Variants in VPS8 observed in about 807,000 individuals in gnomAD.
VPS8 encodes vacuolar protein sorting-associated protein 8 homolog.
VPS8 carries 129 observed loss-of-function variants against 216.4 expected under a neutral mutation model. The observed-to-expected ratio is 0.60, with a 90% CI of 0.52 to 0.69. The LOEUF (loss-of-function observed/expected upper bound fraction) is 0.69. VPS8 is among the 30% of genes least tolerant of loss of function. The probability of loss-of-function intolerance (pLI) is 0.00; values close to 1 mark genes in which losing one functional copy is unlikely to be tolerated. For missense variants in VPS8, 1,531 were observed against 1,683.5 expected (o/e 0.91, Z 1.59); for synonymous variants, 571 against 565.4 (o/e 1.01, Z -0.14).
At chr3:185,014,041 G>A (rs189578337) in intron 45 of VPS8, among the ~76,000 whole-genome samples, 2 of 152,282 alleles carry the variant, frequency 1.3e-5, no homozygotes, top group East Asian at 3.9e-4. Context: ...TAAATCCTGA[G>A]ATCAGAAAGC....
Position 184,928,547 on chromosome 3 carries a change from A to G in VPS8, c.2714+14A>G. On this transcript the variant is annotated intron_variant, in intron 32 of 47. Coordinates refer to ENST00000625842, the MANE Select transcript of VPS8 (RefSeq NM_001009921.3). ...AAAAGCTGAGTTGTAAGTTGTTTTG[A>G]GGCTGTATATTAGTTTGCCATAGAA... 1 of 1,488,840 alleles carries G rather than the reference A, an allele frequency of 6.7e-7. No individual in the cohort carries two copies. Among genetic ancestry groups the G allele is most frequent in the Non-Finnish European group, 8.9e-7 (1 of 1,128,390 alleles). 92.2% of individuals were successfully genotyped at this position (1,488,840 alleles called of 1,614,324 possible).
Position 185,041,416 on chromosome 3 carries a change from T to C in VPS8, c.4057-7063T>C, listed in dbSNP as rs186474745. Among the ~76,000 whole-genome samples, 11 of 152,240 alleles carry C rather than the reference T, an allele frequency of 7.2e-5. No homozygotes were observed. The East Asian group carries it at 2.1e-3, about 29-fold the overall frequency. ...TATTATGGGGCTGTGTGTGAGACCATCTCGGTGCCAGTAGTTCTCTATACT... is the reference window on the plus strand; with the variant it reads ...TATTATGGGGCTGTGTGTGAGACCACCTCGGTGCCAGTAGTTCTCTATACT... On this transcript the variant is annotated intron_variant, in intron 46 of 47. Transcript: ENST00000625842.
chr3:184,885,932 T>C, intron 21 of VPS8, 178 bp from the exon 22 acceptor site: 1 of 552,874 alleles, frequency 1.8e-6, no homozygotes, highest in Non-Finnish European at 3.2e-6. Context: ...ATAGAATTAC[T>C]AGGTCAAAAT....
intron 25 of VPS8, among the ~76,000 whole-genome samples, chr3:184,913,204 A>G (rs1736879327): frequency 6.6e-6 from 1 of 152,200 alleles, no homozygotes. Context: ...GTTCTGATGT[A>G]CAGTTCATCA....
chr3:184,901,327 T>C (rs1314425927), intron 25 of VPS8: 4 of 201,878 alleles, frequency 2.0e-5, no homozygotes, highest in Admixed American at 1.8e-4. Flanking sequence ...CCATGTTGTT[T>C]TATGTATATT....
chr3:185,038,199 C>T lies in VPS8; in HGVS notation c.4057-10280C>T, dbSNP rs1290199009. ...CTTCTGATATTGTTTCTCAAGTAGG[C>T]GTAGCCTTGGGTATGTCTGCAGTCA... On this transcript the variant is annotated intron_variant, in intron 46 of 47. Coordinates refer to ENST00000625842, the MANE Select transcript of VPS8 (RefSeq NM_001009921.3). Among the ~76,000 whole-genome samples the T allele has an allele frequency of 4.6e-5, 7 of 152,328 alleles. No individual in the cohort carries two copies. In the East Asian group the frequency reaches 1.2e-3, roughly 25 times the overall value.
intron 21 of VPS8, among the ~76,000 whole-genome samples, chr3:184,883,366 A>G (rs1305965147): frequency 6.6e-6 from 1 of 152,232 alleles, no homozygotes; most frequent in African/African-American, 2.4e-5. Context: ...TTGTTATTCA[A>G]CATCAAAGTG....
intron 34 of VPS8, among the ~76,000 whole-genome samples, chr3:184,932,171 A>G (rs76524383): frequency 0.037 from 5,651 of 152,198 alleles, 351 homozygotes; most frequent in African/African-American, 0.12. Flanking sequence ...ATCAACATTA[A>G]ATACATAGGA....
intron 40 of VPS8, among the ~76,000 whole-genome samples, chr3:184,976,472 T>A (rs1749291649): frequency 6.6e-6 from 1 of 152,130 alleles, no homozygotes. Context: ...TTGTTGTGTC[T>A]CTGCCAGGTT....
chr3:184,871,648 G>A (rs1263930555), intron 21 of VPS8, among the ~76,000 whole-genome samples: 3 of 152,102 alleles, frequency 2.0e-5, no homozygotes, highest in Admixed American at 6.6e-5. Flanking sequence ...TGTGCGTCCC[G>A]TGGTCTGATA....
At chr3:184,978,054 A>T (rs1463837780) in intron 40 of VPS8, among the ~76,000 whole-genome samples, 6 of 151,502 alleles carry the variant, frequency 4.0e-5, no homozygotes, top group Admixed American at 2.6e-4. Context: ...CTGTGAATCC[A>T]TCTGGTCCTG....
intron 32 of VPS8, 36 bp downstream of exon 32, chr3:184,928,569 A>G: frequency 7.3e-7 from 1 of 1,366,348 alleles, no homozygotes; most frequent in African/African-American, 1.5e-5. Flanking sequence ...AGTTTGCCAT[A>G]GAAATATTAA....
At chr3:184,852,431 A>G (rs896173873) in intron 10 of VPS8, 69 bp from the exon 11 acceptor site, 4 of 1,423,908 alleles carry the variant, frequency 2.8e-6, no homozygotes, top group African/African-American at 1.4e-5. Flanking sequence ...TCAAAATTGT[A>G]TAATTTTTTC....
chr3:184,827,759 T>C (rs140207658), intron 3 of VPS8, among the ~76,000 whole-genome samples: 6 of 152,332 alleles, frequency 3.9e-5, no homozygotes, highest in East Asian at 3.9e-4. Flanking sequence ...AACACTGTTA[T>C]CATCCTCAAT....
chr3:184,973,449 C>A (rs911780144), intron 40 of VPS8, among the ~76,000 whole-genome samples: 3 of 152,030 alleles, frequency 2.0e-5, no homozygotes, highest in African/African-American at 7.2e-5. Flanking sequence ...TATACATATT[C>A]GTGGGGTTAA....
intron 8 of VPS8, among the ~76,000 whole-genome samples, chr3:184,846,620 C>T (rs1723185522): frequency 6.6e-6 from 1 of 152,256 alleles, no homozygotes; most frequent in Non-Finnish European, 1.5e-5. Flanking sequence ...AAAGCAGGGA[C>T]TACAAAGGAT....
rs761975051 is a variant in VPS8 at position 185,024,391 on chromosome 3, TGA to T, written c.4056+4_4056+5del. 2 of 1,593,782 alleles carry T rather than the reference TGA, an allele frequency of 1.3e-6. No homozygotes were observed. Among genetic ancestry groups the T allele is most frequent in the South Asian group, 2.3e-5 (2 of 87,294 alleles). ...AAAGGGGATCCCACTGCTAAAAAGG[TGA>T]GTTTGTTTTAAAGGCAAAAAACCAG... is the stretch of plus-strand genomic sequence containing the variant. On this transcript the variant is annotated splice_donor_region_variant and intron_variant, in intron 46 of 47. Transcript: ENST00000625842.
chr3:184,821,062 T>G (rs1344911505), intron 1 of VPS8, among the ~76,000 whole-genome samples: 4 of 152,186 alleles, frequency 2.6e-5, no homozygotes, highest in Non-Finnish European at 1.5e-5. Flanking sequence ...ACTTTGAAAA[T>G]TTTGAGGTTT....
intron 44 of VPS8, among the ~76,000 whole-genome samples, chr3:184,998,571 GAAAA>G (rs1191865067): frequency 7.3e-6 from 1 of 137,516 alleles, no homozygotes; most frequent in Non-Finnish European, 1.6e-5. Flanking sequence ...GAAGAAAAAA[GAAAA>G]AGAGTATAAA....
Sources: allele counts gnomAD v4.1 joint callset (sites outside exome capture counted in the v4.1 genomes callset), GRCh38; gene constraint gnomAD v4.1.1; transcripts MANE v1.5; gene names NCBI Gene and HGNC (gene_info 2026-07-23, HGNC 2026-07-21).